The following ACP6 variants were observed in gnomAD, a reference collection of about 807,000 sequenced individuals.
ACP6 encodes lysophosphatidic acid phosphatase type 6.
ACP6 carries 48 observed loss-of-function variants against 48.1 expected under a neutral mutation model. The observed-to-expected ratio is 1.00, with a 90% CI of 0.79 to 1.27. ACP6 has a LOEUF of 1.27. ACP6 is among the 50% of genes most tolerant of loss of function. ACP6 has a pLI of 0.00. For missense variants in ACP6, 485 were observed against 529.1 expected (o/e 0.92, Z 0.82); for synonymous variants, 172 against 204.2 (o/e 0.84, Z 1.34).
At chr1:147,647,608 G>C in intron 9 of ACP6, 42 bp from the exon 10 acceptor site, 1 of 1,593,582 alleles carries the variant, frequency 6.3e-7, no homozygotes, top group South Asian at 1.1e-5. Context: ...CGAGGAACCT[G>C]TCCTTCTGCT....
intron 5 of ACP6, among the ~76,000 whole-genome samples, chr1:147,633,537 T>C (rs781810163): frequency 6.6e-6 from 1 of 151,974 alleles, no homozygotes; most frequent in Non-Finnish European, 1.5e-5. Context: ...TATGGAGTTA[T>C]ATTGGAATTT....
intron 1 of ACP6, among the ~76,000 whole-genome samples, chr1:147,660,820 A>T (rs587742647): frequency 6.6e-6 from 1 of 152,210 alleles, no homozygotes; most frequent in African/African-American, 2.4e-5. Context: ...TGATGTTTTC[A>T]TATATATTTA....
Position 147,647,492 on chromosome 1 carries a change from G to C in ACP6, c.1218C>G (p.Thr406=). The change falls in exon 10 of 10, where the codon ACC becomes ACG. Residue 406 remains threonine (T), a synonymous_variant. Coordinates refer to ENST00000583509, the MANE Select transcript of ACP6 (RefSeq NM_016361.5). ...GTGCGTGGTATTTTTCTGGGCTTAA[G>C]GTATAAACTGACATGGCATTCAAGA... ...DMFLNAMSVY[T]LSPEKYHALC... 1 of 1,614,146 alleles carries C rather than the reference G, an allele frequency of 6.2e-7. No homozygotes were observed. Among genetic ancestry groups the C allele is most frequent in the Non-Finnish European group, 8.5e-7 (1 of 1,180,028 alleles).
chr1:147,644,281 T>C lies in ACP6; in HGVS notation c.*3142A>G, dbSNP rs1294665852. ...AACATCACATTGTACTCCATAAATA[T>C]ACGCAATTATTATCTGTCAACTAAA... On this transcript the variant is annotated 3_prime_UTR_variant, in exon 10 of 10. Coordinates refer to ENST00000583509, the MANE Select transcript of ACP6 (RefSeq NM_016361.5). 2 of 152,200 alleles carry C rather than the reference T, an allele frequency of 1.3e-5. No individual in the cohort carries two copies. The highest frequency in any genetic ancestry group is 1.5e-5 in the Non-Finnish European group (1 of 68,036). 9.4% of individuals were successfully genotyped at this position (152,200 alleles called of 1,614,324 possible).
chr1:147,652,541 G>A lies in ACP6; in HGVS notation c.789C>T (p.Asn263=). 1 of 1,614,068 alleles carries A rather than the reference G, an allele frequency of 6.2e-7. No homozygotes were observed. The highest frequency in any genetic ancestry group is 8.5e-7 in the Non-Finnish European group (1 of 1,180,004). Reference sequence around the variant, plus strand: ...TCTTCAGCATGGGGCAGCTTGGGAGGTTGTGTGCCTGAAAGGGCCACATGT... The same window carrying A: ...TCTTCAGCATGGGGCAGCTTGGGAGATTGTGTGCCTGAAAGGGCCACATGT... ...LDNVAAEQAH[N]LPSCPMLKRF... Residue 263 remains asparagine (N), a synonymous_variant, in exon 7 of 10, where the codon AAC becomes AAT. Transcript: ENST00000583509.
chr1:147,665,368 A>C (rs1660745677), intron 1 of ACP6, among the ~76,000 whole-genome samples: 1 of 152,246 alleles, frequency 6.6e-6, no homozygotes, highest in African/African-American at 2.4e-5. Context: ...TAGACTTGGC[A>C]AGTGAGTAAA....
intron 7 of ACP6, chr1:147,650,946 G>C (rs1384550791): frequency 6.6e-6 from 1 of 152,168 alleles, no homozygotes; most frequent in Non-Finnish European, 1.5e-5. Context: ...AGACTTCAGA[G>C]ACTGGTCTTC....
chr1:147,647,875 G>C, intron 9 of ACP6: 1 of 487,636 alleles, frequency 2.1e-6, no homozygotes, highest in Non-Finnish European at 3.6e-6. Context: ...CCCTGATGAA[G>C]CAGCCAACAC....
rs1236845300 is a variant in ACP6 at position 147,645,989 on chromosome 1, A to G, written c.*1434T>C. 6.6e-6 allele frequency: 1 copy of G among 152,216 alleles called. No individual in the cohort carries two copies. The highest frequency in any genetic ancestry group is 1.9e-4 in the East Asian group (1 of 5,198). The allele number at this position is 152,216 out of a possible 1,614,324, so 9.4% of individuals were successfully genotyped here. A position where few individuals can be genotyped will look rare whatever the true frequency, so the allele number is the denominator to read the frequency against. On this transcript the variant is annotated 3_prime_UTR_variant, in exon 10 of 10. Coordinates refer to ENST00000583509, the MANE Select transcript of ACP6 (RefSeq NM_016361.5). The stretch of plus-strand genomic sequence containing the variant: ...GTAAGAGGGAGGAAGGAAGGCTATA[A>G]AAGCACCAATGCAACTGGGTTAGCA...
chr1:147,658,821 G>T, intron 4 of ACP6, 139 bp downstream of exon 4: 1 of 759,938 alleles, frequency 1.3e-6, no homozygotes, highest in South Asian at 2.0e-5. Flanking sequence ...AAGACCCACT[G>T]GACTAGGTAC....
intron 5 of ACP6, among the ~76,000 whole-genome samples, chr1:147,632,814 G>A (rs1215547899): frequency 2.6e-5 from 4 of 152,240 alleles, no homozygotes; most frequent in African/African-American, 7.2e-5. Context: ...CTGGAAGCAC[G>A]CACCTATTCT....
rs782753075 is a variant in ACP6, at chr1:147,659,743, T to A, written c.252A>T (p.Pro84=). 2 of 1,613,980 alleles carry A rather than the reference T, an allele frequency of 1.2e-6. No individual in the cohort carries two copies. Among genetic ancestry groups the A allele is most frequent in the Non-Finnish European group, 1.7e-6 (2 of 1,179,996 alleles). Residue 84 remains proline (P), a synonymous_variant, in exon 2 of 10, where the codon CCA becomes CCT. Coordinates refer to ENST00000583509, the MANE Select transcript of ACP6 (RefSeq NM_016361.5). ...VEWNPQLLEV[P]PQTQFDYTVT... is the part of the protein sequence containing the mutation. ...CTGTGTAATCAAACTGAGTTTGGGG[T>A]GGGACCTCTAATAGCTGGGGGTTCC...
chr1:147,639,710 T>G (rs900274862), downstream of ACP6, among the ~76,000 whole-genome samples: 2 of 152,156 alleles, frequency 1.3e-5, no homozygotes, highest in Admixed American at 1.3e-4. Flanking sequence ...ACACTCTATT[T>G]CCTTCCAAAT....
chr1:147,651,205 G>C (rs1165953024), intron 7 of ACP6: 6 of 152,244 alleles, frequency 3.9e-5, no homozygotes, highest in Non-Finnish European at 7.3e-5. Context: ...GCAAAGCCAA[G>C]TTGGATGGCC....
intron 9 of ACP6, 168 bp downstream of exon 9, chr1:147,648,078 G>T (rs1659715740): frequency 1.4e-6 from 1 of 711,264 alleles, no homozygotes; most frequent in Non-Finnish European, 2.3e-6. Flanking sequence ...GTCAAGTTCT[G>T]CCTGACCCCT....
chr1:147,658,179 C>T (rs1553212033), intron 4 of ACP6, among the ~76,000 whole-genome samples: 1 of 152,218 alleles, frequency 6.6e-6, no homozygotes, highest in African/African-American at 2.4e-5. Context: ...CCAGATTCCT[C>T]TTTCCTGAAG....
At chr1:147,653,797 C>T (rs1660084492) in intron 6 of ACP6, among the ~76,000 whole-genome samples, 1 of 152,140 alleles carries the variant, frequency 6.6e-6, no homozygotes, top group Non-Finnish European at 1.5e-5. Context: ...AACCAGCTTT[C>T]TTTATGAAGG....
At chr1:147,666,629 G>C (rs1660811163) in intron 1 of ACP6, among the ~76,000 whole-genome samples, 1 of 152,116 alleles carries the variant, frequency 6.6e-6, no homozygotes, top group African/African-American at 2.4e-5. Flanking sequence ...CTTTTTTAAT[G>C]CTCTTCAGTC....
chr1:147,662,684 A>G (rs782061663), intron 1 of ACP6, among the ~76,000 whole-genome samples: 18 of 152,254 alleles, frequency 1.2e-4, no homozygotes, highest in Non-Finnish European at 2.4e-4. Context: ...GTCCTGGTGA[A>G]GATAGTGTGA....
Sources: allele counts gnomAD v4.1 joint callset (sites outside exome capture counted in the v4.1 genomes callset), GRCh38; gene constraint gnomAD v4.1.1; transcripts MANE v1.5; gene names NCBI Gene and HGNC (gene_info 2026-07-23, HGNC 2026-07-21).